Variants in PARD3B observed in about 807,000 individuals in gnomAD.
PARD3B encodes par-3 family cell polarity regulator beta, also known as partitioning defective 3 homolog B.
Under a neutral mutation model 130.2 loss-of-function variants are expected in PARD3B, and 103 were observed. The ratio of observed to expected loss-of-function variants is 0.79; its 90% CI spans 0.67 to 0.93. The LOEUF is 0.93. PARD3B is among the 40% of genes least tolerant of loss of function. The probability of loss-of-function intolerance (pLI) is 0.00; values close to 1 mark genes in which losing one functional copy is unlikely to be tolerated. For missense variants in PARD3B, 1,609 were observed against 1,499.2 expected, an observed-to-expected ratio of 1.07 and a Z score of -1.21; for synonymous variants, 583 against 553.2, an observed-to-expected ratio of 1.05 and a Z score of -0.76.
chr2:204,891,194 T>A (rs2046432823), intron 2 of PARD3B, among the ~76,000 whole-genome samples: 1 of 151,920 alleles, frequency 6.6e-6, no homozygotes, highest in African/African-American at 2.4e-5. Flanking sequence ...TTCTTTTTTT[T>A]TTTTTTTTAA....
chr2:204,864,693 T>C (rs1043165616), intron 2 of PARD3B, among the ~76,000 whole-genome samples: 2 of 152,176 alleles, frequency 1.3e-5, no homozygotes, highest in Non-Finnish European at 2.9e-5. Flanking sequence ...GGGCTTAAGG[T>C]CTATCTCCCA....
chr2:205,004,156 C>T (rs10203563), intron 3 of PARD3B, among the ~76,000 whole-genome samples: 151,420 of 152,298 alleles, frequency 0.99, 75,280 homozygotes, highest in Non-Finnish European at 1. Flanking sequence ...TATCACTATA[C>T]TGCTTCTTGA....
rs59814500 is a variant in PARD3B at position 205,309,893 on chromosome 2, C to CATCT, written c.2630+8224_2630+8227dup. ...AACTTGATAGACATTACTTCTTATC[C>CATCT]ATCTATCTATCTATCTATCTATCTA... On this transcript the variant is annotated intron_variant, in intron 18 of 22. Transcript: ENST00000406610. This position sits in a 1 kb window ranked among gnomAD's most constrained non-coding sequence, Gnocchi z 4.7. Among the ~76,000 whole-genome samples, 2,500 of 150,664 alleles carry CATCT rather than the reference C, an allele frequency of 0.017. 33 individuals are homozygous for CATCT. The highest frequency in any genetic ancestry group is 0.043 in the East Asian group (216 of 5,074).
chr2:204,708,138 T>C (rs1367512246), intron 2 of PARD3B, among the ~76,000 whole-genome samples: 2 of 152,156 alleles, frequency 1.3e-5, no homozygotes, highest in African/African-American at 4.8e-5. Flanking sequence ...TAAAATATTC[T>C]AATTATAGAG....
chr2:204,868,373 A>G (rs958265054), intron 2 of PARD3B, among the ~76,000 whole-genome samples: 4 of 152,200 alleles, frequency 2.6e-5, no homozygotes, highest in Non-Finnish European at 5.9e-5. Context: ...GGACTGATTC[A>G]TAAAGCTTAT....
intron 2 of PARD3B, among the ~76,000 whole-genome samples, chr2:204,786,217 C>G (rs1177500348): frequency 6.6e-6 from 1 of 151,700 alleles, no homozygotes; most frequent in Non-Finnish European, 1.5e-5. Flanking sequence ...ATGCAGGTGA[C>G]AATAGAAACT....
chr2:205,555,645 G>C (rs1260722408), intron 22 of PARD3B, among the ~76,000 whole-genome samples: 3 of 152,168 alleles, frequency 2.0e-5, no homozygotes, highest in Non-Finnish European at 4.4e-5. Flanking sequence ...AGCTGAAAGG[G>C]AAGCATCTCA....
intron 19 of PARD3B, among the ~76,000 whole-genome samples, chr2:205,438,790 A>G (rs2047608865): frequency 6.6e-6 from 1 of 152,220 alleles, no homozygotes; most frequent in South Asian, 2.1e-4. Context: ...ATGCAAAAAT[A>G]TAAATTCTTC....
At chr2:204,846,173 T>A (rs1224104629) in intron 2 of PARD3B, among the ~76,000 whole-genome samples, 1 of 151,976 alleles carries the variant, frequency 6.6e-6, no homozygotes, top group Non-Finnish European at 1.5e-5. Context: ...GTCTAGGAAT[T>A]GGTAATTAAA....
intron 2 of PARD3B, among the ~76,000 whole-genome samples, chr2:204,783,529 G>A (rs1256717177): frequency 6.6e-6 from 1 of 152,126 alleles, no homozygotes; most frequent in Admixed American, 6.6e-5. Context: ...ACAGAATTCA[G>A]TCCAAAACAC....
At chr2:205,271,102 A>G (rs1208230201) in intron 16 of PARD3B, among the ~76,000 whole-genome samples, 1 of 152,222 alleles carries the variant, frequency 6.6e-6, no homozygotes, top group Non-Finnish European at 1.5e-5. Context: ...CTCTGTTACC[A>G]TGAGCTTACC....
chr2:205,095,776 A>T (rs1702360225), intron 4 of PARD3B, among the ~76,000 whole-genome samples: 1 of 152,098 alleles, frequency 6.6e-6, no homozygotes, highest in African/African-American at 2.4e-5. Context: ...ACACAAACAA[A>T]AAAACTCCAG....
intron 3 of PARD3B, among the ~76,000 whole-genome samples, chr2:205,025,514 T>G (rs1202484914): frequency 6.6e-6 from 1 of 152,210 alleles, no homozygotes; most frequent in Non-Finnish European, 1.5e-5. Flanking sequence ...GTTGTTTTCT[T>G]TCTGAAGTGT....
rs147956325 is a variant in PARD3B, at chr2:204,916,599, A to G, written c.223-48553A>G. 2.2e-4 allele frequency among the ~76,000 whole-genome samples: 34 copies of G among 152,302 alleles called. No homozygotes were observed. The East Asian group carries it at 6.2e-3, about 28-fold the overall frequency. On this transcript the variant is annotated intron_variant, in intron 2 of 22. Transcript: ENST00000406610. ...TAAATAATCCAGAAGAGTGTATTTT[A>G]TAAGGAAAATAAATGAGAAAATATT...
rs776146672 is a variant in PARD3B, at chr2:205,575,833, G to A, written c.3260+22430G>A. 2.0e-5 allele frequency among the ~76,000 whole-genome samples: 3 copies of A among 152,252 alleles called. No individual in the cohort carries two copies. The highest frequency in any genetic ancestry group is 4.2e-4 in the South Asian group (2 of 4,814). On this transcript the variant is annotated intron_variant, in intron 22 of 22. Transcript: ENST00000406610. This position sits in a 1 kb window ranked among gnomAD's most constrained non-coding sequence, Gnocchi z 4.6. ...CATTATGAATAAAGATGCTGTAAAC[G>A]TGTATGGGCAGGTTTTCTTGTGGAC...
At chr2:204,863,227 T>C (rs2045281449) in intron 2 of PARD3B, among the ~76,000 whole-genome samples, 1 of 152,174 alleles carries the variant, frequency 6.6e-6, no homozygotes, top group Admixed American at 6.5e-5. Context: ...GCCTTATTCA[T>C]TGTTGCATCT....
intron 1 of PARD3B, among the ~76,000 whole-genome samples, chr2:204,641,443 G>C (rs757512956): frequency 3.6e-4 from 52 of 145,962 alleles, no homozygotes; most frequent in Non-Finnish European, 4.1e-4. Context: ...AAAAGTACTT[G>C]GTCTTTTTTT....
intron 18 of PARD3B, among the ~76,000 whole-genome samples, chr2:205,319,051 A>T (rs1000254322): frequency 2.6e-5 from 4 of 152,002 alleles, no homozygotes; most frequent in Non-Finnish European, 2.9e-5. Context: ...ATATGGCCTC[A>T]TTTTCAGGTT....
intron 10 of PARD3B, among the ~76,000 whole-genome samples, chr2:205,149,800 T>G (rs1211359919): frequency 6.6e-6 from 1 of 152,184 alleles, no homozygotes; most frequent in Non-Finnish European, 1.5e-5. Flanking sequence ...CAGTAGTTCT[T>G]AATTGGAAGT....
Sources: allele counts gnomAD v4.1 joint callset (sites outside exome capture counted in the v4.1 genomes callset), GRCh38; gene constraint gnomAD v4.1.1; non-coding constraint Gnocchi (gnomAD v3.1); transcripts MANE v1.5; gene names NCBI Gene and HGNC (gene_info 2026-07-23, HGNC 2026-07-21).